Variants in CCBE1 observed in about 807,000 individuals in gnomAD.
The protein encoded by CCBE1 is collagen and calcium-binding EGF domain-containing protein 1.
In CCBE1, 37 loss-of-function variants were observed where a neutral mutation model predicts 50.0. That is an observed-to-expected ratio of 0.74 (90% CI 0.57 to 0.97). The LOEUF is 0.97. CCBE1 is among the 50% of genes least tolerant of loss of function. The pLI is 0.00. For synonymous variants in CCBE1, 234 were observed against 203.7 expected (o/e 1.15, Z -1.27); for missense variants, 538 against 523.8 (o/e 1.03, Z -0.26).
Position 59,435,638 on chromosome 18 carries a change from T to C in CCBE1, c.*270A>G. ...ATCCAAAGTTCCTGGAAAAATAGGATGTAAAAGAAAAGTTACAATGCAAAC... is the reference window on the plus strand; with the variant it reads ...ATCCAAAGTTCCTGGAAAAATAGGACGTAAAAGAAAAGTTACAATGCAAAC... On this transcript the variant is annotated 3_prime_UTR_variant, in exon 11 of 11. Transcript: ENST00000439986. The C allele has an allele frequency of 2.0e-6, 1 of 500,694 alleles. No homozygotes were observed. The highest frequency in any genetic ancestry group is 3.6e-6 in the Non-Finnish European group (1 of 278,284). The allele number at this position is 500,694 out of a possible 1,614,324, so 31.0% of individuals were successfully genotyped here.
chr18:59,521,593 G>A (rs1197849754), intron 2 of CCBE1, among the ~76,000 whole-genome samples: 2 of 152,176 alleles, frequency 1.3e-5, no homozygotes, highest in Non-Finnish European at 2.9e-5. Flanking sequence ...ACTTCTGCCA[G>A]CCATAGATTT....
At chr18:59,692,956 GCA>G (rs59496597) in intron 2 of CCBE1, among the ~76,000 whole-genome samples, 3,431 of 86,800 alleles carry the variant, frequency 0.04, 48 homozygotes, top group African/African-American at 0.05. Context: ...TCAAGCCAAA[GCA>G]CACACACACA....
intron 2 of CCBE1, among the ~76,000 whole-genome samples, chr18:59,555,747 A>G (rs1473024707): frequency 2.6e-5 from 4 of 152,160 alleles, no homozygotes; most frequent in Non-Finnish European, 5.9e-5. Flanking sequence ...TAAATCTAAG[A>G]GGTTTAAAAT....
At chr18:59,619,776 A>AT (rs147649355) in intron 2 of CCBE1, among the ~76,000 whole-genome samples, 6,304 of 152,130 alleles carry the variant, frequency 0.041, 343 homozygotes, top group African/African-American at 0.13. Flanking sequence ...AAACTCAGTG[A>AT]TTTTTTTTAA....
chr18:59,481,585 T>C (rs654172), intron 2 of CCBE1, among the ~76,000 whole-genome samples: 38,750 of 151,960 alleles, frequency 0.26, 5,142 homozygotes, highest in Non-Finnish European at 0.29. Flanking sequence ...AAATTACACA[T>C]GATATACAGG....
At chr18:59,459,190 C>A (rs1156411392) in intron 5 of CCBE1, 2 of 152,152 alleles carry the variant, frequency 1.3e-5, no homozygotes, top group South Asian at 4.2e-4. Flanking sequence ...CAGTTCTCTA[C>A]AAAATCAGAT....
intron 2 of CCBE1, among the ~76,000 whole-genome samples, chr18:59,656,141 A>G (rs1282648112): frequency 6.6e-6 from 1 of 152,246 alleles, no homozygotes; most frequent in Non-Finnish European, 1.5e-5. Context: ...CTCCCAAAGA[A>G]GTGAACATGC....
intron 7 of CCBE1, among the ~76,000 whole-genome samples, chr18:59,442,762 A>G (rs1162862265): frequency 1.3e-5 from 2 of 152,094 alleles, no homozygotes; most frequent in East Asian, 3.9e-4. Flanking sequence ...AAAAATTGGG[A>G]GATTTCATAT....
chr18:59,518,958 T>C (rs1914486960), intron 2 of CCBE1, among the ~76,000 whole-genome samples: 1 of 152,128 alleles, frequency 6.6e-6, no homozygotes, highest in African/African-American at 2.4e-5. Context: ...TGGATTAAGC[T>C]CCAGAAACCC....
At chr18:59,440,670 G>A (rs750407080) in intron 7 of CCBE1, among the ~76,000 whole-genome samples, 2 of 152,096 alleles carry the variant, frequency 1.3e-5, no homozygotes, top group South Asian at 2.1e-4. Context: ...TCTTAGTGAG[G>A]GGTAGGAAAT....
At chr18:59,563,421 A>G (rs540597785) in intron 2 of CCBE1, among the ~76,000 whole-genome samples, 1 of 152,338 alleles carries the variant, frequency 6.6e-6, no homozygotes. Flanking sequence ...TATTTACGAA[A>G]TTATAGAAAA....
rs750324482 is a variant in CCBE1, at chr18:59,625,430, C to CAAAAA, written c.212+71194_212+71198dup. On this transcript the variant is annotated intron_variant, in intron 2 of 10. Coordinates refer to ENST00000439986, the MANE Select transcript of CCBE1 (RefSeq NM_133459.4). ...TGGGCTACAGAGTGAGATTCTGTCT[C>CAAAAA]AAAAAAAAAAAAAAAAAAAAAAAAT... 6.9e-3 allele frequency among the ~76,000 whole-genome samples: 484 copies of CAAAAA among 69,844 alleles called. 26 individuals carry two copies. Among genetic ancestry groups the CAAAAA allele is most frequent in the African/African-American group, 0.028 (454 of 16,414 alleles). 45.8% of individuals were successfully genotyped at this position (69,844 alleles called of 152,430 possible). A position where few individuals can be genotyped will look rare whatever the true frequency, so the allele number is the denominator to read the frequency against.
chr18:59,475,877 C>A (rs1401296476), intron 3 of CCBE1, among the ~76,000 whole-genome samples: 1 of 152,174 alleles, frequency 6.6e-6, no homozygotes, highest in South Asian at 2.1e-4. Flanking sequence ...AGACACCAGG[C>A]CTGGCTAATT....
chr18:59,508,699 CAT>C (rs1408898433), intron 2 of CCBE1, among the ~76,000 whole-genome samples: 6 of 143,312 alleles, frequency 4.2e-5, no homozygotes, highest in African/African-American at 1.3e-4. Context: ...ACAGTACACA[CAT>C]AGAGTTACGC....
intron 2 of CCBE1, among the ~76,000 whole-genome samples, chr18:59,535,513 GCA>G (rs757918417): frequency 5.9e-5 from 9 of 152,158 alleles, no homozygotes; most frequent in Non-Finnish European, 1.3e-4. Flanking sequence ...GTCAAAGTGT[GCA>G]CACTACCCCT....
chr18:59,527,277 A>T (rs761354556), intron 2 of CCBE1, among the ~76,000 whole-genome samples: 6 of 151,040 alleles, frequency 4.0e-5, no homozygotes, highest in Non-Finnish European at 7.4e-5. Flanking sequence ...TTCTTTTTTT[A>T]TCTCTGTTGG....
At chr18:59,479,421 C>T (rs1912462564) in intron 3 of CCBE1, among the ~76,000 whole-genome samples, 1 of 152,180 alleles carries the variant, frequency 6.6e-6, no homozygotes, top group African/African-American at 2.4e-5. Flanking sequence ...AATGTCTCTA[C>T]TGCACATATT....
intron 2 of CCBE1, among the ~76,000 whole-genome samples, chr18:59,488,260 G>T (rs758822358): frequency 1.3e-5 from 2 of 152,134 alleles, no homozygotes; most frequent in African/African-American, 4.8e-5. Context: ...TTCTGGAGAC[G>T]GATGGTGGTG....
chr18:59,531,982 G>A (rs1598985484), intron 2 of CCBE1, among the ~76,000 whole-genome samples: 1 of 152,306 alleles, frequency 6.6e-6, no homozygotes, highest in East Asian at 1.9e-4. Flanking sequence ...GAGTTTACTT[G>A]CAACACGTAT....
Sources: gnomAD v4.1 joint callset for allele counts (sites outside exome capture counted in the v4.1 genomes callset) on GRCh38, gnomAD v4.1.1 for gene constraint, MANE v1.5 for transcripts, NCBI Gene and HGNC (gene_info 2026-07-23, HGNC 2026-07-21) for gene names.